Variants in RBFOX3 observed in about 807,000 individuals in gnomAD.
RBFOX3 encodes the protein RNA binding protein fox-1 homolog 3.
Under a neutral mutation model 48.7 loss-of-function variants are expected in RBFOX3, and 17 were observed. That is an observed-to-expected ratio of 0.35 (90% confidence interval 0.24 to 0.52). The LOEUF is 0.52. Ranked by LOEUF, RBFOX3 falls within the 20% of genes least tolerant of loss-of-function variation. RBFOX3 has a pLI of 0.94. For missense variants in RBFOX3, 382 were observed against 497.5 expected (o/e 0.77, Z 2.21); for synonymous variants, 212 against 209.5 (o/e 1.01, Z -0.10).
intron 2 of RBFOX3, among the ~76,000 whole-genome samples, chr17:79,357,085 G>C (rs574840150): frequency 1.3e-5 from 2 of 152,160 alleles, no homozygotes; most frequent in African/African-American, 4.8e-5. Context: ...CTAGCCCCAC[G>C]GGGGCCCCAG....
intron 2 of RBFOX3, among the ~76,000 whole-genome samples, chr17:79,475,529 C>T (rs1433353633): frequency 6.6e-6 from 1 of 152,150 alleles, no homozygotes; most frequent in Non-Finnish European, 1.5e-5. Context: ...AGCCCTAACC[C>T]CCAGGACCTG....
At chr17:79,093,384 G>A (rs2074372778) in intron 14 of RBFOX3, among the ~76,000 whole-genome samples, 1 of 152,060 alleles carries the variant, frequency 6.6e-6, no homozygotes, top group African/African-American at 2.4e-5. Flanking sequence ...AACACAAGAG[G>A]GAACCCTCCG....
At chr17:79,318,442 C>T (rs2077850048) in intron 2 of RBFOX3, among the ~76,000 whole-genome samples, 1 of 152,168 alleles carries the variant, frequency 6.6e-6, no homozygotes, top group Non-Finnish European at 1.5e-5. Flanking sequence ...CCATATGGCT[C>T]CCCCTCTCAG....
In RBFOX3 at chr17:79,115,694, C is replaced by CGGGGGGGGG; in HGVS notation, c.21_22insCCCCCCCCC (p.Pro7_Ala8insProProPro). 6.8e-6 allele frequency: 1 copy of CGGGGGGGGG among 147,668 alleles called. No homozygotes were observed. The allele number at this position is 147,668 out of a possible 1,614,324, so 9.1% of individuals were successfully genotyped here. A position where few individuals can be genotyped will look rare whatever the true frequency, so the allele number is the denominator to read the frequency against. Reference sequence around the variant, plus strand: ...TTCTGTGGCGGAGGGGGGTACTGGGCGGGGGGGTAGGGCTGGGCCATCGCT... The same window carrying CGGGGGGGGG: ...TTCTGTGGCGGAGGGGGGTACTGGGCGGGGGGGGGGGGGGGGTAGGGCTGGGCCATCGCT... On this transcript the variant is annotated inframe_insertion, in exon 5 of 15. Transcript: ENST00000693108.
chr17:79,620,375 A>G, the RBFOX3 span, among the ~76,000 whole-genome samples: 8,006 of 141,438 alleles, frequency 0.057, 719 homozygotes, highest in African/African-American at 0.19. Flanking sequence ...ACACGGACAT[A>G]CACACACATG....
intron 4 of RBFOX3, among the ~76,000 whole-genome samples, chr17:79,116,133 G>A (rs2033883540): frequency 6.6e-6 from 1 of 152,188 alleles, no homozygotes; most frequent in African/African-American, 2.4e-5. Context: ...TGTAACCAGG[G>A]TCCTCACGGT....
chr17:79,317,957 T>A (rs919121331), intron 2 of RBFOX3, among the ~76,000 whole-genome samples: 1 of 152,184 alleles, frequency 6.6e-6, no homozygotes, highest in Admixed American at 6.5e-5. Context: ...TTTCTAGGAA[T>A]GGAAGTTAAG....
intron 2 of RBFOX3, among the ~76,000 whole-genome samples, chr17:79,415,208 A>G (rs2065133785): frequency 1.3e-5 from 2 of 152,092 alleles, no homozygotes; most frequent in African/African-American, 4.8e-5. Context: ...GCCCAGCAAT[A>G]CCTGGTAGAA....
chr17:79,627,437 G>A, the RBFOX3 span, among the ~76,000 whole-genome samples: 19 of 152,282 alleles, frequency 1.2e-4, no homozygotes, highest in African/African-American at 3.9e-4. Context: ...GCTCAGCTCT[G>A]CCTGCCTGCC....
intron 1 of RBFOX3, among the ~76,000 whole-genome samples, chr17:79,576,773 C>T (rs2092877817): frequency 6.6e-6 from 1 of 151,312 alleles, no homozygotes. Context: ...AGATGGAGAC[C>T]ATGGAGAACA....
At chr17:79,289,145 C>A (rs551192701) in intron 3 of RBFOX3, among the ~76,000 whole-genome samples, 1 of 152,336 alleles carries the variant, frequency 6.6e-6, no homozygotes, top group South Asian at 2.1e-4. Context: ...CGCCCCTATG[C>A]AGAGCCAGGG....
intron 2 of RBFOX3, among the ~76,000 whole-genome samples, chr17:79,457,069 G>C (rs570397064): frequency 6.6e-6 from 1 of 152,220 alleles, no homozygotes; most frequent in Non-Finnish European, 1.5e-5. Flanking sequence ...ACGTGGCACA[G>C]GTGTAGACAG....
chr17:79,439,328 C>T (rs145291059), intron 2 of RBFOX3, among the ~76,000 whole-genome samples: 7 of 152,284 alleles, frequency 4.6e-5, no homozygotes, highest in African/African-American at 1.4e-4. Flanking sequence ...TAAGATAGAG[C>T]GAAATCGCTC....
intron 4 of RBFOX3, among the ~76,000 whole-genome samples, chr17:79,152,494 C>T (rs1329297087): frequency 1.3e-5 from 2 of 152,152 alleles, no homozygotes; most frequent in Non-Finnish European, 2.9e-5. Flanking sequence ...CCGGGGGTCA[C>T]CCCGAACTTG....
chr17:79,649,218 G>T, the RBFOX3 span, among the ~76,000 whole-genome samples: 1 of 152,110 alleles, frequency 6.6e-6, no homozygotes, highest in East Asian at 1.9e-4. Context: ...AGCCTCAAGT[G>T]ATCCTCCCAC....
the RBFOX3 span, among the ~76,000 whole-genome samples, chr17:79,631,252 C>T: frequency 6.6e-6 from 1 of 152,162 alleles, no homozygotes; most frequent in Non-Finnish European, 1.5e-5. Context: ...ACCACATCAT[C>T]TGCCTCGGCC....
intron 2 of RBFOX3, among the ~76,000 whole-genome samples, chr17:79,446,634 C>T (rs1337484129): frequency 2.6e-5 from 4 of 152,254 alleles, no homozygotes; most frequent in African/African-American, 7.2e-5. Flanking sequence ...CCATGACCCA[C>T]AACTCACCAC....
intron 2 of RBFOX3, among the ~76,000 whole-genome samples, chr17:79,371,953 G>T (rs2058598919): frequency 6.6e-6 from 1 of 152,152 alleles, no homozygotes; most frequent in Non-Finnish European, 1.5e-5. Context: ...AGGCCAAGGA[G>T]AGGTGCAGAG....
chr17:79,609,033 A>G (rs943618658), intron 1 of RBFOX3, among the ~76,000 whole-genome samples: 35 of 150,980 alleles, frequency 2.3e-4, no homozygotes, highest in Middle Eastern at 3.4e-3. Context: ...CCTTCTCGAC[A>G]ACTTTTCTCC....
Sources: gnomAD v4.1 joint callset for allele counts (sites outside exome capture counted in the v4.1 genomes callset) on GRCh38, gnomAD v4.1.1 for gene constraint, MANE v1.5 for transcripts, NCBI Gene and HGNC (gene_info 2026-07-23, HGNC 2026-07-21) for gene names.